RFX3: variants seen among roughly 807,000 people sequenced by gnomAD.
RFX3 encodes regulatory factor X3, also known as transcription factor RFX3.
In RFX3, 14 loss-of-function variants were observed where a neutral mutation model predicts 98.6. The observed-to-expected ratio is 0.14, with a 90% CI of 0.09 to 0.22. RFX3 has a LOEUF of 0.22. Ranked by LOEUF, RFX3 falls within the 10% of genes least tolerant of loss-of-function variation. The pLI, the probability that RFX3 is intolerant of heterozygous loss-of-function variation, is 1.00. For synonymous variants in RFX3, 383 were observed against 328.4 expected, an observed-to-expected ratio of 1.17 and a Z score of -1.80; for missense variants, 639 against 926.9, an observed-to-expected ratio of 0.69 and a Z score of 4.03.
At chr9:3,400,139 G>T in intron 1 of RFX3, 1 of 442,952 alleles carries the variant, frequency 2.3e-6, no homozygotes, top group Non-Finnish European at 3.0e-6. Flanking sequence ...TTATTTTAAA[G>T]ATGAGTTAAC....
intron 1 of RFX3, among the ~76,000 whole-genome samples, chr9:3,429,882 T>C (rs956575164): frequency 1.4e-4 from 22 of 152,302 alleles, no homozygotes; most frequent in East Asian, 9.6e-4. Flanking sequence ...GCCCACAAAG[T>C]AACAGGTTTC....
At position 3,388,674 on chromosome 9, in the gene RFX3, T is replaced by C. The variant is rs571547967; in HGVS notation, c.117+6798A>G. ...ACAAAGGGGTTTCAAATATCCCAAT[T>C]ACAAACCAAAAATCTACCAGAAACA... is the stretch of plus-strand genomic sequence containing the variant. On this transcript the variant is annotated intron_variant, in intron 2 of 16. Coordinates refer to ENST00000617270, the MANE Select transcript of RFX3 (RefSeq NM_001282116.2). 6.6e-5 allele frequency among the ~76,000 whole-genome samples: 10 copies of C among 152,152 alleles called. No individual in the cohort carries two copies. The South Asian group carries it at 2.1e-3, about 32-fold the overall frequency.
rs369276006 is a variant in RFX3 at position 3,518,462 on chromosome 9, G to A, written c.-9+7285C>T. Among the ~76,000 whole-genome samples, 15 of 152,232 alleles carry A rather than the reference G, an allele frequency of 9.9e-5. 1 individual carries two copies. Among genetic ancestry groups the A allele is most frequent in the East Asian group, 5.8e-4 (3 of 5,176 alleles). On this transcript the variant is annotated intron_variant, in intron 1 of 16. Transcript: ENST00000617270. Reference sequence around the variant, plus strand: ...ACGGGAGTGGGGAGAATGGTGAAATGAGTGACACAGACAAACATCTGTACA... The same window carrying A: ...ACGGGAGTGGGGAGAATGGTGAAATAAGTGACACAGACAAACATCTGTACA...
chr9:3,370,955 A>T (rs1432702633), intron 2 of RFX3, among the ~76,000 whole-genome samples: 1 of 152,182 alleles, frequency 6.6e-6, no homozygotes, highest in African/African-American at 2.4e-5. Flanking sequence ...GTAATGACCA[A>T]GAATGTAATT....
intron 1 of RFX3, among the ~76,000 whole-genome samples, chr9:3,480,362 T>C (rs1849632928): frequency 6.6e-6 from 1 of 152,236 alleles, no homozygotes; most frequent in Non-Finnish European, 1.5e-5. Flanking sequence ...TCTTACATGA[T>C]GATCCTCTCT....
Position 3,412,127 on chromosome 9 carries a change from T to A in RFX3, c.-8-16531A>T, listed in dbSNP as rs139849980. On this transcript the variant is annotated intron_variant, in intron 1 of 16. Transcript: ENST00000617270. The stretch of plus-strand genomic sequence containing the variant: ...AGCTTACTGTGAAATCAGATCAGTA[T>A]CTGATTTGAGTATTCCTGGCTTGTA... Among the ~76,000 whole-genome samples the A allele has an allele frequency of 3.5e-4, 54 of 152,320 alleles. No homozygotes were observed. In the East Asian group the frequency reaches 9.1e-3, roughly 26 times the overall value.
chr9:3,419,551 A>T (rs1406318644), intron 1 of RFX3, among the ~76,000 whole-genome samples: 1 of 152,216 alleles, frequency 6.6e-6, no homozygotes, highest in Non-Finnish European at 1.5e-5. Flanking sequence ...ATACCAAATA[A>T]GTCTGTAAAG....
chr9:3,421,485 T>A (rs1843435162), intron 1 of RFX3, among the ~76,000 whole-genome samples: 1 of 152,234 alleles, frequency 6.6e-6, no homozygotes, highest in African/African-American at 2.4e-5. Flanking sequence ...TTCTAGTCTA[T>A]TTTGTAAAAA....
intron 4 of RFX3, among the ~76,000 whole-genome samples, chr9:3,315,503 A>C (rs907601213): frequency 6.6e-6 from 1 of 152,166 alleles, no homozygotes; most frequent in Admixed American, 6.5e-5. Flanking sequence ...AGCTAGCAGA[A>C]GGCAAGAAAT....
chr9:3,230,982 T>C (rs563877449), intron 15 of RFX3, among the ~76,000 whole-genome samples: 28 of 152,350 alleles, frequency 1.8e-4, no homozygotes, highest in African/African-American at 6.0e-4. Context: ...TTTCCTTAGA[T>C]GTTTCTACTT....
intron 14 of RFX3, among the ~76,000 whole-genome samples, chr9:3,253,408 C>A (rs746217092): frequency 1.3e-5 from 2 of 152,206 alleles, no homozygotes; most frequent in Non-Finnish European, 2.9e-5. Context: ...AATATCAAAG[C>A]TATACATTCC....
At chr9:3,245,528 A>T (rs1161462431) in intron 15 of RFX3, among the ~76,000 whole-genome samples, 1 of 152,136 alleles carries the variant, frequency 6.6e-6, no homozygotes, top group Non-Finnish European at 1.5e-5. Flanking sequence ...TACTGACTGC[A>T]CTCTGAGGGA....
intron 3 of RFX3, chr9:3,344,761 T>A: frequency 1.5e-6 from 1 of 677,072 alleles, no homozygotes; most frequent in Non-Finnish European, 2.7e-6. Context: ...CAAAGCCATT[T>A]ATTTTCCCTG....
At chr9:3,454,389 T>A (rs1320109364) in intron 1 of RFX3, among the ~76,000 whole-genome samples, 1 of 152,224 alleles carries the variant, frequency 6.6e-6, no homozygotes, top group African/African-American at 2.4e-5. Context: ...AGAATTTTTT[T>A]ATACTTTCTA....
At chr9:3,446,704 A>G (rs1846086150) in intron 1 of RFX3, among the ~76,000 whole-genome samples, 1 of 152,056 alleles carries the variant, frequency 6.6e-6, no homozygotes, top group Non-Finnish European at 1.5e-5. Context: ...TGCCTGATCA[A>G]TATGTTTGAT....
chr9:3,305,143 G>T (rs1373915635), intron 4 of RFX3, among the ~76,000 whole-genome samples: 2 of 152,018 alleles, frequency 1.3e-5, no homozygotes, highest in African/African-American at 2.4e-5. Context: ...GAAAGCACAG[G>T]CTGTGTCCAT....
intron 3 of RFX3, 91 bp downstream of exon 3, chr9:3,346,576 G>A: frequency 1.2e-6 from 1 of 806,788 alleles, no homozygotes; most frequent in Non-Finnish European, 2.2e-6. Context: ...TTGAAAACAA[G>A]GAAACAATCT....
chr9:3,224,824 A>C lies in RFX3; in HGVS notation c.*218T>G. 1 of 442,040 alleles carries C rather than the reference A, an allele frequency of 2.3e-6. No individual in the cohort carries two copies. Among genetic ancestry groups the C allele is most frequent in the East Asian group, 3.5e-5 (1 of 28,500 alleles). 27.4% of individuals were successfully genotyped at this position (442,040 alleles called of 1,614,324 possible). A position where few individuals can be genotyped will look rare whatever the true frequency, so the allele number is the denominator to read the frequency against. ...AAATCCTTCTTGACACCTGAAACTA[A>C]GGGAAAAAATTCATTATTAAGAAGC... On this transcript the variant is annotated 3_prime_UTR_variant, in exon 17 of 17. Transcript: ENST00000617270.
chr9:3,256,797 T>C (rs892363304), intron 14 of RFX3, among the ~76,000 whole-genome samples, 194 bp downstream of exon 14: 13 of 152,212 alleles, frequency 8.5e-5, no homozygotes, highest in Non-Finnish European at 4.4e-5. Flanking sequence ...AAAGTTTATT[T>C]CTCTAAGTTT....
Sources: allele counts gnomAD v4.1 joint callset (sites outside exome capture counted in the v4.1 genomes callset), GRCh38; gene constraint gnomAD v4.1.1; transcripts MANE v1.5; gene names NCBI Gene and HGNC (gene_info 2026-07-23, HGNC 2026-07-21).